Variants in CAMK1D observed in about 807,000 individuals in gnomAD.
CAMK1D encodes the protein calcium/calmodulin dependent protein kinase ID.
A neutral mutation model predicts 47.7 loss-of-function variants in CAMK1D; 9 were observed. The ratio of observed to expected loss-of-function variants is 0.19; its 90% CI spans 0.11 to 0.33. The LOEUF is 0.33. Among genes scored for constraint, CAMK1D ranks in the 10% least tolerant of loss-of-function variants. The pLI is 1.00. For synonymous variants in CAMK1D, 184 were observed against 184.9 expected, an observed-to-expected ratio of 0.99 and a Z score of 0.04; for missense variants, 291 against 488.7, an observed-to-expected ratio of 0.60 and a Z score of 3.81.
chr10:12,442,719 A>G (rs1396079224), intron 1 of CAMK1D, among the ~76,000 whole-genome samples: 2 of 152,182 alleles, frequency 1.3e-5, no homozygotes, highest in Non-Finnish European at 2.9e-5. Context: ...GAAAGGTTTT[A>G]TATCGAGTGT....
chr10:12,429,331 C>G (rs1840361873), intron 1 of CAMK1D, among the ~76,000 whole-genome samples: 1 of 151,434 alleles, frequency 6.6e-6, no homozygotes, highest in Admixed American at 6.7e-5. Flanking sequence ...TTCCCCTTCC[C>G]CATTCTCTCT....
intron 3 of CAMK1D, among the ~76,000 whole-genome samples, chr10:12,694,630 A>G (rs1367201253): frequency 2.7e-5 from 3 of 111,520 alleles, no homozygotes; most frequent in East Asian, 2.6e-4. Flanking sequence ...ATATATTAAA[A>G]TATAACTGTA....
chr10:12,705,511 A>G (rs1191712699), intron 3 of CAMK1D, among the ~76,000 whole-genome samples: 2 of 152,158 alleles, frequency 1.3e-5, no homozygotes. Context: ...ACCATGCATC[A>G]TAACAATAAT....
chr10:12,361,250 T>C (rs1469313002), intron 1 of CAMK1D, among the ~76,000 whole-genome samples: 5 of 6,406 alleles, frequency 7.8e-4, no homozygotes, highest in Admixed American at 3.6e-3. Context: ...ATTTGACTGT[T>C]TTTTTTTTTT....
chr10:12,417,737 C>G (rs1418965705), intron 1 of CAMK1D, among the ~76,000 whole-genome samples: 2 of 151,986 alleles, frequency 1.3e-5, no homozygotes, highest in Non-Finnish European at 2.9e-5. Flanking sequence ...AGTGGCTACA[C>G]TCTTATGTGG....
intron 1 of CAMK1D, among the ~76,000 whole-genome samples, chr10:12,420,057 T>G (rs931021990): frequency 6.6e-6 from 1 of 152,178 alleles, no homozygotes; most frequent in Non-Finnish European, 1.5e-5. Flanking sequence ...CCTCCCGGGT[T>G]CACGCCATTC....
intron 1 of CAMK1D, among the ~76,000 whole-genome samples, chr10:12,493,537 G>T (rs962784118): frequency 6.6e-6 from 1 of 151,588 alleles, no homozygotes; most frequent in African/African-American, 2.4e-5. Context: ...TCTGTCACCC[G>T]GGCTGGAGTG....
chr10:12,788,084 C>T (rs1300997889), intron 5 of CAMK1D, among the ~76,000 whole-genome samples: 1 of 152,210 alleles, frequency 6.6e-6, no homozygotes, highest in Non-Finnish European at 1.5e-5. Context: ...ATATGTAAAT[C>T]TCCATCCCCA....
chr10:12,531,782 C>T (rs796108178), intron 1 of CAMK1D, among the ~76,000 whole-genome samples: 19 of 152,364 alleles, frequency 1.2e-4, no homozygotes, highest in African/African-American at 4.1e-4. Context: ...ATAATGTTCT[C>T]ATCATGTTCT....
In CAMK1D at chr10:12,830,253, T is replaced by G. The variant is rs930344113; in HGVS notation, c.*1366T>G. On this transcript the variant is annotated 3_prime_UTR_variant, in exon 11 of 11. Coordinates refer to ENST00000619168, the MANE Select transcript of CAMK1D (RefSeq NM_153498.4). ...CACGTGGCCTCCAACACAAAGTTCT[T>G]TCTCCACATTTTTACCCTCTTCTCA... 2 of 152,258 alleles carry G rather than the reference T, an allele frequency of 1.3e-5. No homozygotes were observed. Among genetic ancestry groups the G allele is most frequent in the Non-Finnish European group, 2.9e-5 (2 of 68,054 alleles). The allele number at this position is 152,258 out of a possible 1,614,324, so 9.4% of individuals were successfully genotyped here.
rs572715629 is a variant in CAMK1D, at chr10:12,398,595, C to T, written c.92+48685C>T. On this transcript the variant is annotated intron_variant, in intron 1 of 10. Coordinates refer to ENST00000619168, the MANE Select transcript of CAMK1D (RefSeq NM_153498.4). ...AACTCCTGACCTCAGGTGATCCGCC[C>T]GCCTCGGCCTCCCAAAGTGCTAGGA... is the stretch of plus-strand genomic sequence containing the variant. Among the ~76,000 whole-genome samples the T allele has an allele frequency of 3.9e-5, 6 of 152,206 alleles. No individual in the cohort carries two copies. In the South Asian group the frequency reaches 6.2e-4, roughly 16 times the overall value.
At chr10:12,603,357 C>T (rs1027147778) in intron 2 of CAMK1D, among the ~76,000 whole-genome samples, 4 of 152,314 alleles carry the variant, frequency 2.6e-5, no homozygotes, top group African/African-American at 9.6e-5. Flanking sequence ...GGAACCTGGA[C>T]CTCCTTCCAG....
In CAMK1D at chr10:12,440,881, A is replaced by G. The variant is rs180832692; in HGVS notation, c.92+90971A>G. Among the ~76,000 whole-genome samples, 368 of 152,342 alleles carry G rather than the reference A, an allele frequency of 2.4e-3. 1 individual carries two copies. Among genetic ancestry groups the G allele is most frequent in the African/African-American group, 8.5e-3 (355 of 41,580 alleles). ...TTTCAGGCTGAAGGAAATGGAGGAA[A>G]CTGCAGAAGCAGGGAGGTCACTCTC... On this transcript the variant is annotated intron_variant, in intron 1 of 10. Coordinates refer to ENST00000619168, the MANE Select transcript of CAMK1D (RefSeq NM_153498.4).
At chr10:12,812,470 G>C (rs1236121064) in intron 6 of CAMK1D, among the ~76,000 whole-genome samples, 1 of 152,082 alleles carries the variant, frequency 6.6e-6, no homozygotes, top group East Asian at 1.9e-4. Context: ...ACAAAAATTA[G>C]CCCAGCATGC....
At chr10:12,516,257 C>T (rs1835208025) in intron 1 of CAMK1D, among the ~76,000 whole-genome samples, 1 of 152,100 alleles carries the variant, frequency 6.6e-6, no homozygotes, top group Non-Finnish European at 1.5e-5. Flanking sequence ...TACAGTTGTG[C>T]AGCACCACGC....
intron 7 of CAMK1D, among the ~76,000 whole-genome samples, chr10:12,815,910 C>G (rs1366006056): frequency 6.6e-6 from 1 of 152,240 alleles, no homozygotes; most frequent in Non-Finnish European, 1.5e-5. Flanking sequence ...AAACAGTTCT[C>G]TAAGGCAGTG....
At chr10:12,800,208 T>G (rs1300428564) in intron 6 of CAMK1D, among the ~76,000 whole-genome samples, 1 of 152,232 alleles carries the variant, frequency 6.6e-6, no homozygotes, top group African/African-American at 2.4e-5. Flanking sequence ...AATCATTGGA[T>G]TACGTTTTTA....
chr10:12,597,937 C>T (rs1838192764), intron 2 of CAMK1D, among the ~76,000 whole-genome samples: 1 of 152,178 alleles, frequency 6.6e-6, no homozygotes, highest in South Asian at 2.1e-4. Context: ...TAACAGAAAA[C>T]ACGTCAGCAC....
At position 12,796,969 on chromosome 10, in the gene CAMK1D, A is replaced by G. The variant is rs371502037; in HGVS notation, c.641+5736A>G. On this transcript the variant is annotated intron_variant, in intron 6 of 10. Transcript: ENST00000619168. The stretch of plus-strand genomic sequence containing the variant: ...TGCCTCACAAGGTAATTGGATATGC[A>G]TGTCAGCAAACAAACATGTTCTCTC... Among the ~76,000 whole-genome samples the G allele has an allele frequency of 1.3e-3, 193 of 152,370 alleles. 3 individuals carry two copies. The highest frequency in any genetic ancestry group is 4.5e-3 in the African/African-American group (186 of 41,592).
Sources: allele counts gnomAD v4.1 joint callset (sites outside exome capture counted in the v4.1 genomes callset), GRCh38; gene constraint gnomAD v4.1.1; transcripts MANE v1.5; gene names NCBI Gene and HGNC (gene_info 2026-07-23, HGNC 2026-07-21).